OPRK1: variants seen among roughly 807,000 people sequenced by gnomAD.
The protein encoded by OPRK1 is opioid receptor kappa 1.
Under a neutral mutation model 24.5 loss-of-function variants are expected in OPRK1, and 15 were observed. That is an observed-to-expected ratio of 0.61 (90% CI 0.41 to 0.94). The LOEUF is 0.94. Ranked by LOEUF, OPRK1 falls within the 40% of genes least tolerant of loss-of-function variation. The probability of loss-of-function intolerance (pLI) is 0.00; values close to 1 mark genes in which losing one functional copy is unlikely to be tolerated. For synonymous variants in OPRK1, 205 were observed against 198.0 expected (o/e 1.04, Z -0.30); for missense variants, 479 against 507.3 (o/e 0.94, Z 0.54).
chr8:53,244,413 A>G (rs1396222017), intron 2 of OPRK1, among the ~76,000 whole-genome samples: 1 of 152,222 alleles, frequency 6.6e-6, no homozygotes, highest in Non-Finnish European at 1.5e-5. Context: ...AACCATTTCC[A>G]TAGTACTTTT....
intron 2 of OPRK1, chr8:53,243,023 C>A: frequency 1.7e-6 from 2 of 1,174,542 alleles, no homozygotes; most frequent in South Asian, 1.6e-5. Context: ...AAACCAGCAC[C>A]CCCTCCAAAG....
At chr8:53,250,169 T>C (rs1236351993) in intron 2 of OPRK1, among the ~76,000 whole-genome samples, 3 of 151,974 alleles carry the variant, frequency 2.0e-5, no homozygotes, top group Non-Finnish European at 2.9e-5. Flanking sequence ...CCACAGGCCA[T>C]GTTTTAGAGG....
chr8:53,251,091 G>A lies in OPRK1; in HGVS notation c.-48-6C>T. The A allele has an allele frequency of 7.0e-7, 1 of 1,436,432 alleles. No homozygotes were observed. The highest frequency in any genetic ancestry group is 9.1e-7 in the Non-Finnish European group (1 of 1,101,566). 89.0% of individuals were successfully genotyped at this position (1,436,432 alleles called of 1,614,324 possible). ...GACAGGCGGCACCTGCGGCGCTGCG[G>A]GAGCGAAAGAACCGGCTGGACGCGG... On this transcript the variant is annotated splice_polypyrimidine_tract_variant and splice_region_variant and intron_variant, in intron 1 of 3. Coordinates refer to ENST00000265572, the MANE Select transcript of OPRK1 (RefSeq NM_000912.5).
At position 53,251,032 on chromosome 8, in the gene OPRK1, G is replaced by C. The variant is rs1226745303; in HGVS notation, c.6C>G (p.Asp2Glu). 6.5e-7 allele frequency: 1 copy of C among 1,540,122 alleles called. No homozygotes were observed. The change falls in exon 2 of 4, where the codon GAC becomes GAG. Residue 2 changes from aspartate (D) to glutamate (E), a missense_variant. Physicochemically the swap from Asp to Glu is conservative, Grantham distance 45 (BLOSUM62 2). Transcript: ENST00000265572. MDSPIQIFRGEP... is the reference protein window; with the variant it reads MESPIQIFRGEP... ...CCCCGCGGAAGATCTGGATCGGGGA[G>C]TCCATGGTGGGGCGATTGCAGCAGG... is the stretch of plus-strand genomic sequence containing the variant.
Position 53,250,956 on chromosome 8 carries a change from C to T in OPRK1, c.82G>A (p.Ala28Thr). Residue 28 changes from alanine to threonine, a missense_variant, in exon 2 of 4, where the codon GCC becomes ACC. Physicochemically the swap from Ala to Thr is moderately conservative, Grantham distance 58. Coordinates refer to ENST00000265572, the MANE Select transcript of OPRK1 (RefSeq NM_000912.5). ...GGCTCGGCCCAGCCGGGAAACCAGGCGCTGCTGTTGGGGGGCAGGCAGGCG... is the reference window on the plus strand; with the variant it reads ...GGCTCGGCCCAGCCGGGAAACCAGGTGCTGCTGTTGGGGGGCAGGCAGGCG... ...PSACLPPNSSAWFPGWAEPDS... is the reference protein window; with the variant it reads ...PSACLPPNSSTWFPGWAEPDS... 3 of 1,609,376 alleles carry T rather than the reference C, an allele frequency of 1.9e-6. No individual in the cohort carries two copies. The highest frequency in any genetic ancestry group is 2.5e-6 in the Non-Finnish European group (3 of 1,177,888).
chr8:53,237,141 C>T (rs548932506), intron 2 of OPRK1, among the ~76,000 whole-genome samples: 4 of 152,160 alleles, frequency 2.6e-5, no homozygotes, highest in Non-Finnish European at 4.4e-5. Context: ...TCCCTTCTTA[C>T]GTGAGTGGAA....
Position 53,229,420 on chromosome 8 carries a change from A to G in OPRK1, c.1020T>C (p.Cys340=). The change falls in exon 4 of 4, where the codon TGT becomes TGC. Residue 340 remains cysteine (C), a synonymous_variant. Transcript: ENST00000265572. ...TCAGTGGAAAGCAGAAGTCCCGGAA[A>G]CACCGCTTGAAGTTTTCATCAAGAA... is the stretch of plus-strand genomic sequence containing the variant. ...YAFLDENFKR[C]FRDFCFPLKM... The G allele has an allele frequency of 6.2e-7, 1 of 1,614,204 alleles. No individual in the cohort carries two copies. The highest frequency in any genetic ancestry group is 8.5e-7 in the Non-Finnish European group (1 of 1,180,048).
At position 53,229,288 on chromosome 8, in the gene OPRK1, C is replaced by T. The variant is rs1563325684; in HGVS notation, c.*9G>A. 5 of 1,607,120 alleles carry T rather than the reference C, an allele frequency of 3.1e-6. No homozygotes were observed. Among genetic ancestry groups the T allele is most frequent in the Non-Finnish European group, 4.3e-6 (5 of 1,175,746 alleles). On this transcript the variant is annotated 3_prime_UTR_variant, in exon 4 of 4. Transcript: ENST00000265572. ...CCGAAGAACTGTACGAAGACATCTC[C>T]ACGACTAGTCATACTGGTTTATTCA...
intron 3 of OPRK1, 31 bp from the exon 4 acceptor site, chr8:53,229,860 GA>G (rs772697861): frequency 6.6e-7 from 1 of 1,515,370 alleles, no homozygotes; most frequent in East Asian, 2.3e-5. Context: ...CCACAACACA[GA>G]AACCTGTTAT....
intron 2 of OPRK1, chr8:53,242,879 A>C (rs766699470): frequency 1.6e-6 from 2 of 1,287,460 alleles, no homozygotes; most frequent in South Asian, 1.2e-5. Context: ...TCAATTCATC[A>C]CATGGTTTTG....
intron 3 of OPRK1, among the ~76,000 whole-genome samples, chr8:53,231,009 T>C (rs1411379288): frequency 6.6e-6 from 1 of 152,202 alleles, no homozygotes. Context: ...TTTAATTACA[T>C]ATACTTTAAA....
chr8:53,248,318 G>C (rs1270437950), intron 2 of OPRK1, among the ~76,000 whole-genome samples: 2 of 151,308 alleles, frequency 1.3e-5, no homozygotes, highest in African/African-American at 2.4e-5. Context: ...GAGCTGAACA[G>C]TCTAGATCTG....
At chr8:53,247,240 T>C (rs1807252375) in intron 2 of OPRK1, among the ~76,000 whole-genome samples, 1 of 152,040 alleles carries the variant, frequency 6.6e-6, no homozygotes, top group South Asian at 2.1e-4. Context: ...AGAATCCAAA[T>C]GTTTGCAGGA....
At chr8:53,235,352 G>C (rs1255822550) in intron 2 of OPRK1, among the ~76,000 whole-genome samples, 1 of 152,180 alleles carries the variant, frequency 6.6e-6, no homozygotes, top group Non-Finnish European at 1.5e-5. Flanking sequence ...AGAAGATACA[G>C]AAAATAGCAG....
intron 2 of OPRK1, among the ~76,000 whole-genome samples, chr8:53,244,866 G>A (rs7826614): frequency 0.2 from 30,249 of 152,002 alleles, 3,271 homozygotes; most frequent in African/African-American, 0.28. Context: ...GTGACTGTAC[G>A]GTCCTGCCTT....
At position 53,250,820 on chromosome 8, in the gene OPRK1, C is replaced by T; in HGVS notation, c.218G>A (p.Gly73Asp). 6.2e-7 allele frequency: 1 copy of T among 1,611,170 alleles called. No individual in the cohort carries two copies. The highest frequency in any genetic ancestry group is 8.5e-7 in the Non-Finnish European group (1 of 1,178,656). The change falls in exon 2 of 4, where the codon GGC becomes GAC. Residue 73 changes from glycine to aspartate, a missense_variant. Coordinates refer to ENST00000265572, the MANE Select transcript of OPRK1 (RefSeq NM_000912.5). The part of the protein sequence containing the change: ...TAVYSVVFVV[G>D]LVGNSLVMFV... Reference sequence around the variant, plus strand: ...CATGACCAGCGAGTTGCCCACCAAGCCCACGACGAACACTACGGAGTAGAC... The same window carrying T: ...CATGACCAGCGAGTTGCCCACCAAGTCCACGACGAACACTACGGAGTAGAC...
chr8:53,240,545 C>T (rs6473798), intron 2 of OPRK1, among the ~76,000 whole-genome samples: 58,014 of 151,898 alleles, frequency 0.38, 13,247 homozygotes, highest in African/African-American at 0.64. Flanking sequence ...TGCAGTCCTT[C>T]TTCACAAATG....
intron 2 of OPRK1, among the ~76,000 whole-genome samples, chr8:53,245,836 T>G (rs1293190632): frequency 1.3e-5 from 2 of 152,176 alleles, no homozygotes; most frequent in Non-Finnish European, 2.9e-5. Flanking sequence ...GAGACCATCC[T>G]ATGTAATCTG....
At chr8:53,232,976 A>T (rs1262683862) in intron 3 of OPRK1, among the ~76,000 whole-genome samples, 2 of 152,218 alleles carry the variant, frequency 1.3e-5, no homozygotes, top group African/African-American at 4.8e-5. Context: ...AGTTTCTTGC[A>T]CTTTATTTCT....
Sources: gnomAD v4.1 joint callset for allele counts (sites outside exome capture counted in the v4.1 genomes callset) on GRCh38, gnomAD v4.1.1 for gene constraint, MANE v1.5 for transcripts, NCBI Gene and HGNC (gene_info 2026-07-23, HGNC 2026-07-21) for gene names.